Variants in KALRN observed in about 807,000 individuals in gnomAD.
KALRN encodes the protein kalirin RhoGEF kinase, also known as kalirin.
In KALRN, 70 loss-of-function variants were observed where a neutral mutation model predicts 353.7. That is an observed-to-expected ratio of 0.20 (90% CI 0.16 to 0.24). KALRN has a LOEUF of 0.24. Among genes scored for constraint, KALRN ranks in the 10% least tolerant of loss-of-function variants. The probability of loss-of-function intolerance (pLI) is 1.00; values close to 1 mark genes in which losing one functional copy is unlikely to be tolerated. For synonymous variants in KALRN, 1,391 were observed against 1,434.8 expected (o/e 0.97, Z 0.69); for missense variants, 2,791 against 3,756.7 (o/e 0.74, Z 6.72).
At chr3:124,606,929 T>C (rs537785211) in intron 34 of KALRN, among the ~76,000 whole-genome samples, 2 of 152,228 alleles carry the variant, frequency 1.3e-5, no homozygotes, top group East Asian at 1.9e-4. Flanking sequence ...CCCTTCAGAT[T>C]GGCAAAATTA....
chr3:124,593,873 C>G (rs1220416068), intron 34 of KALRN, among the ~76,000 whole-genome samples: 2 of 152,154 alleles, frequency 1.3e-5, no homozygotes, highest in African/African-American at 4.8e-5. Context: ...CCACATTCCC[C>G]TGCCAAACGA....
intron 5 of KALRN, among the ~76,000 whole-genome samples, chr3:124,277,055 A>G (rs1233571936): frequency 5.9e-5 from 9 of 152,222 alleles, no homozygotes; most frequent in Admixed American, 5.9e-4. Flanking sequence ...TGTGCCAGGA[A>G]CCTAGGCGGT....
In KALRN at chr3:124,439,057, C is replaced by T. The variant is rs775447254; in HGVS notation, c.3198+20C>T. ...CTTAAGGTCAGAGCACATTGTCATGCAAGGGCTCAGACTCCTGGCCTTGGC... is the reference window on the plus strand; with the variant it reads ...CTTAAGGTCAGAGCACATTGTCATGTAAGGGCTCAGACTCCTGGCCTTGGC... On this transcript the variant is annotated intron_variant, in intron 18 of 59. Transcript: ENST00000682506. The T allele has an allele frequency of 8.1e-6, 13 of 1,611,994 alleles. No homozygotes were observed. Among genetic ancestry groups the T allele is most frequent in the Non-Finnish European group, 1.0e-5 (12 of 1,178,500 alleles).
chr3:124,201,922 A>C (rs866901516), intron 1 of KALRN, among the ~76,000 whole-genome samples: 7 of 152,268 alleles, frequency 4.6e-5, no homozygotes, highest in Middle Eastern at 3.4e-3. Context: ...GCTGCTGAAA[A>C]CGAGGCTCAT....
intron 1 of KALRN, among the ~76,000 whole-genome samples, chr3:124,168,360 T>C (rs149429449): frequency 6.6e-6 from 1 of 152,342 alleles, no homozygotes; most frequent in East Asian, 1.9e-4. Context: ...AGTGATGGGG[T>C]TTGGTTGCCA....
chr3:124,247,245 T>G (rs1242994671), intron 3 of KALRN, among the ~76,000 whole-genome samples: 3 of 152,184 alleles, frequency 2.0e-5, no homozygotes, highest in Non-Finnish European at 4.4e-5. Flanking sequence ...TGTCAGAGGC[T>G]CCAATGGTTC....
intron 5 of KALRN, among the ~76,000 whole-genome samples, chr3:124,288,233 T>C (rs1217897266): frequency 6.6e-6 from 1 of 152,192 alleles, no homozygotes; most frequent in African/African-American, 2.4e-5. Context: ...GCTATGTTTG[T>C]GAACTACTAT....
intron 29 of KALRN, among the ~76,000 whole-genome samples, chr3:124,489,018 A>G (rs1284767219): frequency 1.3e-5 from 2 of 152,218 alleles, no homozygotes; most frequent in Non-Finnish European, 1.5e-5. Flanking sequence ...CAGAGCAGCC[A>G]TACTGGGGTG....
At chr3:124,094,957 A>T in intron 1 of KALRN, 1 of 1,509,970 alleles carries the variant, frequency 6.6e-7, no homozygotes, top group Non-Finnish European at 9.2e-7. Context: ...ATAAATACAC[A>T]TAGAGACATA....
chr3:124,291,128 G>A (rs1336633814), intron 5 of KALRN, among the ~76,000 whole-genome samples: 2 of 152,198 alleles, frequency 1.3e-5, no homozygotes, highest in East Asian at 1.9e-4. Context: ...CTCAGCCATC[G>A]GCTTAGGTGC....
At chr3:124,475,953 C>G (rs1162766982) in intron 26 of KALRN, among the ~76,000 whole-genome samples, 1 of 151,776 alleles carries the variant, frequency 6.6e-6, no homozygotes, top group Non-Finnish European at 1.5e-5. Context: ...TAGAGAATGA[C>G]AAGATTGACC....
At chr3:124,569,172 C>G (rs777245608) in intron 34 of KALRN, among the ~76,000 whole-genome samples, 3 of 152,124 alleles carry the variant, frequency 2.0e-5, no homozygotes, top group Non-Finnish European at 4.4e-5. Context: ...CAAGGCTTCC[C>G]CCGTGAGCCT....
chr3:124,085,144 G>A (rs1430338139), intron 1 of KALRN, among the ~76,000 whole-genome samples: 2 of 152,228 alleles, frequency 1.3e-5, no homozygotes, highest in Non-Finnish European at 2.9e-5. Context: ...AGAGCCCATT[G>A]TACAAGGGCA....
At chr3:124,604,750 G>A (rs1359475343) in intron 34 of KALRN, among the ~76,000 whole-genome samples, 5 of 151,776 alleles carry the variant, frequency 3.3e-5, no homozygotes, top group East Asian at 1.9e-4. Flanking sequence ...GCAGTGGTAC[G>A]ATCATAGCTC....
At chr3:124,345,736 T>G (rs1160039198) in intron 9 of KALRN, among the ~76,000 whole-genome samples, 3 of 152,224 alleles carry the variant, frequency 2.0e-5, no homozygotes, top group Non-Finnish European at 4.4e-5. Flanking sequence ...CTCATTTTTA[T>G]ATTCATATAT....
chr3:124,388,303 A>C (rs946625405), intron 11 of KALRN, among the ~76,000 whole-genome samples: 1 of 152,150 alleles, frequency 6.6e-6, no homozygotes, highest in Non-Finnish European at 1.5e-5. Flanking sequence ...TTCTTTAATA[A>C]ATTAGGAACT....
intron 13 of KALRN, among the ~76,000 whole-genome samples, chr3:124,405,638 GTTTTTT>G (rs71145451): frequency 4.8e-5 from 4 of 83,866 alleles, no homozygotes; most frequent in Non-Finnish European, 9.0e-5. Context: ...GGACCTCAGG[GTTTTTT>G]TTTTTTTTTT....
intron 33 of KALRN, among the ~76,000 whole-genome samples, chr3:124,559,106 T>G (rs2071621921): frequency 1.3e-5 from 2 of 152,312 alleles, no homozygotes; most frequent in East Asian, 3.9e-4. Flanking sequence ...CAAAGAGTGG[T>G]TACGAAATGT....
chr3:124,381,672 G>A (rs895286), intron 10 of KALRN, among the ~76,000 whole-genome samples: 26,379 of 151,990 alleles, frequency 0.17, 2,350 homozygotes, highest in Admixed American at 0.2. Flanking sequence ...TCCAATTTTA[G>A]TCAGGTTGAC....
Sources: gnomAD v4.1 joint callset for allele counts (sites outside exome capture counted in the v4.1 genomes callset) on GRCh38, gnomAD v4.1.1 for gene constraint, MANE v1.5 for transcripts, NCBI Gene and HGNC (gene_info 2026-07-23, HGNC 2026-07-21) for gene names.